MBNL1: variants seen among roughly 807,000 people sequenced by gnomAD.
MBNL1 encodes muscleblind-like protein 1.
MBNL1 carries 8 observed loss-of-function variants against 42.2 expected under a neutral mutation model. The observed-to-expected ratio is 0.19, with a 90% CI of 0.11 to 0.34. The LOEUF (loss-of-function observed/expected upper bound fraction) is 0.34, where lower values mean the gene tolerates loss of function less well. MBNL1 is among the 10% of genes least tolerant of loss of function. The probability of loss-of-function intolerance (pLI) is 1.00; values close to 1 mark genes in which losing one functional copy is unlikely to be tolerated. For synonymous variants in MBNL1, 169 were observed against 173.9 expected (o/e 0.97, Z 0.22); for missense variants, 309 against 495.3 (o/e 0.62, Z 3.57).
At chr3:152,340,466 T>A (rs1287695358) in intron 2 of MBNL1, 1 of 1,508,934 alleles carries the variant, frequency 6.6e-7, no homozygotes, top group Non-Finnish European at 8.9e-7. Flanking sequence ...AATATCAGAC[T>A]ATGTGAATTT....
At chr3:152,402,025 C>CT (rs1240917256) in intron 2 of MBNL1, among the ~76,000 whole-genome samples, 1 of 120,890 alleles carries the variant, frequency 8.3e-6, no homozygotes, top group Non-Finnish European at 1.7e-5. Flanking sequence ...GAGCAAGACT[C>CT]TGTCTCAAAA....
At chr3:152,308,166 GAGTTAT>G (rs1346827184) in intron 2 of MBNL1, among the ~76,000 whole-genome samples, 1 of 152,138 alleles carries the variant, frequency 6.6e-6, no homozygotes, top group Non-Finnish European at 1.5e-5. Context: ...GAGGATGCTT[GAGTTAT>G]AGTTCAGTAC....
chr3:152,422,419 C>T (rs937876867), intron 3 of MBNL1, among the ~76,000 whole-genome samples: 1 of 152,128 alleles, frequency 6.6e-6, no homozygotes, highest in Non-Finnish European at 1.5e-5. Flanking sequence ...AATAGATATG[C>T]ACCTAATACA....
At chr3:152,246,279 C>T (rs1053950270) in intron 2 of MBNL1, among the ~76,000 whole-genome samples, 7 of 151,988 alleles carry the variant, frequency 4.6e-5, no homozygotes, top group African/African-American at 1.7e-4. Flanking sequence ...ATAAATTGGT[C>T]ATAAGTGTAA....
chr3:152,301,626 A>G (rs997078729), intron 2 of MBNL1, among the ~76,000 whole-genome samples: 1 of 152,200 alleles, frequency 6.6e-6, no homozygotes, highest in African/African-American at 2.4e-5. Flanking sequence ...ATATTTTAAA[A>G]TGTTAGATTC....
Position 152,268,980 on chromosome 3 carries a change from C to T in MBNL1, c.-902C>T. ...TGTGGCGCCCACAATGCTCCCATGA[C>T]AAGGAGCTGACAAGTTCCATTTTCC... On this transcript the variant is annotated 5_prime_UTR_variant, in exon 1 of 10. Coordinates refer to ENST00000324210, the MANE Select transcript of MBNL1 (RefSeq NM_021038.5). The T allele has an allele frequency of 2.2e-6, 1 of 456,264 alleles. No homozygotes were observed. Among genetic ancestry groups the T allele is most frequent in the South Asian group, 1.5e-5 (1 of 64,572 alleles). 28.3% of individuals were successfully genotyped at this position (456,264 alleles called of 1,614,324 possible). A position where few individuals can be genotyped will look rare whatever the true frequency, so the allele number is the denominator to read the frequency against.
At chr3:152,447,585 C>A in intron 5 of MBNL1, 35 bp from the exon 6 acceptor site, 1 of 1,530,890 alleles carries the variant, frequency 6.5e-7, no homozygotes, top group Non-Finnish European at 8.9e-7. Flanking sequence ...TCTCTTTTTA[C>A]TGGTATTTGT....
intron 2 of MBNL1, among the ~76,000 whole-genome samples, chr3:152,407,945 C>G (rs1030863029): frequency 6.6e-6 from 1 of 151,968 alleles, no homozygotes; most frequent in Non-Finnish European, 1.5e-5. Flanking sequence ...CACCTGGACA[C>G]GAGGGGAACA....
chr3:152,416,430 T>C (rs979326578), intron 3 of MBNL1, among the ~76,000 whole-genome samples: 1 of 152,204 alleles, frequency 6.6e-6, no homozygotes, highest in African/African-American at 2.4e-5. Flanking sequence ...AGATTTCCAT[T>C]TGGTTAAAAA....
intron 2 of MBNL1, among the ~76,000 whole-genome samples, chr3:152,378,515 C>G (rs1469976425): frequency 6.6e-6 from 1 of 151,950 alleles, no homozygotes; most frequent in Non-Finnish European, 1.5e-5. Context: ...TATATTTCTA[C>G]CTGGTATTTA....
intron 2 of MBNL1, among the ~76,000 whole-genome samples, chr3:152,345,197 A>G (rs780888108): frequency 8.5e-5 from 13 of 152,124 alleles, no homozygotes; most frequent in Admixed American, 2.0e-4. Context: ...GTATGTATTA[A>G]CTACCAAAAG....
chr3:152,400,367 T>C (rs2098162664), intron 2 of MBNL1, among the ~76,000 whole-genome samples: 1 of 152,226 alleles, frequency 6.6e-6, no homozygotes, highest in Non-Finnish European at 1.5e-5. Context: ...AATTGAGTTA[T>C]AAAAGCAATA....
upstream of MBNL1, chr3:152,265,105 C>T (rs1290974531): frequency 1.3e-5 from 2 of 152,158 alleles, no homozygotes; most frequent in Non-Finnish European, 2.9e-5. Flanking sequence ...TCTCACCTCT[C>T]TCCTCAACCC....
At chr3:152,272,331 G>A (rs890954784) in intron 1 of MBNL1, among the ~76,000 whole-genome samples, 1 of 152,016 alleles carries the variant, frequency 6.6e-6, no homozygotes, top group Non-Finnish European at 1.5e-5. Flanking sequence ...GAGATTTGAT[G>A]GTGAGGTAGT....
rs1205076533 is a variant in MBNL1, at chr3:152,412,443, C to T, written c.175-2498C>T. On this transcript the variant is annotated intron_variant, in intron 2 of 9. Coordinates refer to ENST00000324210, the MANE Select transcript of MBNL1 (RefSeq NM_021038.5). ...TGGGAGAGTCTTGGTAGTCTGTATA[C>T]GTTCTCACCAAATATCAGTTGATTC... Among the ~76,000 whole-genome samples the T allele has an allele frequency of 2.0e-5, 3 of 152,068 alleles. No individual in the cohort carries two copies. The South Asian group carries it at 6.2e-4, about 32-fold the overall frequency.
intron 2 of MBNL1, among the ~76,000 whole-genome samples, chr3:152,395,916 C>A (rs1310339459): frequency 6.6e-6 from 1 of 152,176 alleles, no homozygotes; most frequent in Non-Finnish European, 1.5e-5. Context: ...GAGGAGAGGT[C>A]CCCAACCCTG....
chr3:152,399,313 A>G (rs2098118667), intron 2 of MBNL1, among the ~76,000 whole-genome samples: 2 of 151,348 alleles, frequency 1.3e-5, no homozygotes, highest in African/African-American at 4.9e-5. Context: ...CCCTGCTCCT[A>G]TTTCTTTTGT....
intron 3 of MBNL1, among the ~76,000 whole-genome samples, chr3:152,416,759 G>A (rs530141233): frequency 6.6e-6 from 1 of 152,294 alleles, no homozygotes; most frequent in South Asian, 2.1e-4. Context: ...AGGATGTCGT[G>A]TGTGCAATCC....
chr3:152,274,280 A>G lies in MBNL1; in HGVS notation c.-790+5188A>G, dbSNP rs547798696. ...CGTTGCTGACTTGAAATATTATTCT[A>G]TCATATAAAGTTGATTTATAAGTGA... is the stretch of plus-strand genomic sequence containing the variant. On this transcript the variant is annotated intron_variant, in intron 1 of 9. Transcript: ENST00000324210. Among the ~76,000 whole-genome samples, 17 of 152,286 alleles carry G rather than the reference A, an allele frequency of 1.1e-4. No homozygotes were observed. In the East Asian group the frequency reaches 2.1e-3, roughly 19 times the overall value.
Sources: gnomAD v4.1 joint callset for allele counts (sites outside exome capture counted in the v4.1 genomes callset) on GRCh38, gnomAD v4.1.1 for gene constraint, MANE v1.5 for transcripts, NCBI Gene and HGNC (gene_info 2026-07-23, HGNC 2026-07-21) for gene names.